Variants in HTR1E observed in about 807,000 individuals in gnomAD.
The protein encoded by HTR1E is 5-HT-1E.
HTR1E carries 3 observed loss-of-function variants against 3.4 expected under a neutral mutation model. The ratio of observed to expected loss-of-function variants is 0.89; its 90% CI spans 0.41 to 2.31. The LOEUF (loss-of-function observed/expected upper bound fraction) is 2.31, where lower values mean the gene tolerates loss of function less well. Ranked by LOEUF, HTR1E falls within the 30% of genes most tolerant of loss-of-function variation. The pLI, the probability that HTR1E is intolerant of heterozygous loss-of-function variation, is 0.05. For synonymous variants in HTR1E, 170 were observed against 182.8 expected, an observed-to-expected ratio of 0.93 and a Z score of 0.56; for missense variants, 392 against 467.0, an observed-to-expected ratio of 0.84 and a Z score of 1.48.
intron 1 of HTR1E, among the ~76,000 whole-genome samples, chr6:87,007,419 C>T (rs116154630): frequency 0.018 from 2,722 of 152,132 alleles, 82 homozygotes; most frequent in African/African-American, 0.06. Context: ...TTTGATATCA[C>T]AACAGGGTGA....
At chr6:86,976,976 C>A (rs1005323221) in intron 1 of HTR1E, among the ~76,000 whole-genome samples, 1 of 152,144 alleles carries the variant, frequency 6.6e-6, no homozygotes, top group Admixed American at 6.5e-5. Flanking sequence ...CTTCTTAGAA[C>A]AATTTTTTTA....
chr6:86,962,674 C>A (rs1420626130), intron 1 of HTR1E, among the ~76,000 whole-genome samples: 2 of 151,978 alleles, frequency 1.3e-5, no homozygotes, highest in Non-Finnish European at 2.9e-5. Flanking sequence ...CCTGTCCCTA[C>A]TAAAAATACA....
intron 1 of HTR1E, among the ~76,000 whole-genome samples, chr6:87,009,940 A>C (rs1407967228): frequency 9.4e-6 from 1 of 106,556 alleles, no homozygotes; most frequent in Non-Finnish European, 1.9e-5. Flanking sequence ...GGGGCTCCTC[A>C]CTTCCCAGTA....
rs1012881168 is a variant in HTR1E at position 87,008,057 on chromosome 6, T to C, written c.-185-7093T>C. 5.3e-5 allele frequency among the ~76,000 whole-genome samples: 8 copies of C among 152,208 alleles called. No individual in the cohort carries two copies. The South Asian group carries it at 1.0e-3, about 20-fold the overall frequency. ...ACAAAAGACTTGTATCCAGAGTATATAAACATCTCCTAAAACTCTATGCAC... is the reference window on the plus strand; with the variant it reads ...ACAAAAGACTTGTATCCAGAGTATACAAACATCTCCTAAAACTCTATGCAC... On this transcript the variant is annotated intron_variant, in intron 1 of 1. Transcript: ENST00000305344.
intron 1 of HTR1E, among the ~76,000 whole-genome samples, chr6:86,984,787 A>C (rs1767760809): frequency 1.3e-5 from 2 of 152,216 alleles, no homozygotes; most frequent in South Asian, 2.1e-4. Context: ...AGCATGGAGA[A>C]ACATCCTGTT....
intron 1 of HTR1E, among the ~76,000 whole-genome samples, chr6:86,942,504 A>C (rs986262073): frequency 6.6e-6 from 1 of 152,232 alleles, no homozygotes; most frequent in Non-Finnish European, 1.5e-5. Flanking sequence ...ATTCAAAGAA[A>C]GAAGCATGAT....
chr6:87,003,658 G>GA (rs1262376577), intron 1 of HTR1E, among the ~76,000 whole-genome samples: 2 of 151,518 alleles, frequency 1.3e-5, no homozygotes, highest in African/African-American at 2.4e-5. Flanking sequence ...GTGCCTACAA[G>GA]AAAAAAGTAG....
chr6:86,949,689 A>G (rs1410089766), intron 1 of HTR1E, among the ~76,000 whole-genome samples: 1 of 152,132 alleles, frequency 6.6e-6, no homozygotes, highest in Non-Finnish European at 1.5e-5. Flanking sequence ...TTGTAACTAA[A>G]AATTATGATT....
intron 1 of HTR1E, among the ~76,000 whole-genome samples, chr6:86,998,340 A>G (rs2127829525): frequency 6.6e-6 from 1 of 152,268 alleles, no homozygotes; most frequent in African/African-American, 2.4e-5. Flanking sequence ...CCATAAAATA[A>G]GTCTCAGCAA....
intron 1 of HTR1E, among the ~76,000 whole-genome samples, chr6:86,988,173 G>C (rs1767819192): frequency 6.6e-6 from 1 of 152,138 alleles, no homozygotes; most frequent in African/African-American, 2.4e-5. Flanking sequence ...CAGAATCTAA[G>C]TTATCAGACC....
At chr6:86,978,711 G>C (rs1047238855) in intron 1 of HTR1E, among the ~76,000 whole-genome samples, 3 of 152,172 alleles carry the variant, frequency 2.0e-5, no homozygotes, top group African/African-American at 4.8e-5. Context: ...AAGCAGACAT[G>C]CATGCCAACT....
At chr6:87,006,540 G>A (rs147165520) in intron 1 of HTR1E, among the ~76,000 whole-genome samples, 1 of 152,158 alleles carries the variant, frequency 6.6e-6, no homozygotes, top group East Asian at 1.9e-4. Flanking sequence ...TCGAGAAGCA[G>A]AAATACCATT....
intron 1 of HTR1E, among the ~76,000 whole-genome samples, chr6:87,010,782 G>A (rs1313673471): frequency 2.6e-5 from 4 of 151,546 alleles, no homozygotes; most frequent in Non-Finnish European, 2.9e-5. Context: ...GGCACTTTGG[G>A]AGGCCAAGGC....
At chr6:86,938,631 G>A (rs571949647) in intron 1 of HTR1E, among the ~76,000 whole-genome samples, 58 of 152,296 alleles carry the variant, frequency 3.8e-4, no homozygotes, top group African/African-American at 1.4e-3. Context: ...CCTTGAGTTA[G>A]AAGGATAAGG....
At chr6:86,956,833 A>G (rs1392052256) in intron 1 of HTR1E, among the ~76,000 whole-genome samples, 1 of 152,156 alleles carries the variant, frequency 6.6e-6, no homozygotes, top group Non-Finnish European at 1.5e-5. Flanking sequence ...TTTATGTTTC[A>G]CTTTCTGTTT....
At chr6:86,977,741 T>C (rs956014659) in intron 1 of HTR1E, among the ~76,000 whole-genome samples, 1 of 152,164 alleles carries the variant, frequency 6.6e-6, no homozygotes, top group Non-Finnish European at 1.5e-5. Flanking sequence ...ATGGCTGAAA[T>C]GGTGTCTCAG....
intron 1 of HTR1E, among the ~76,000 whole-genome samples, chr6:87,012,396 G>A (rs1487623318): frequency 6.6e-6 from 1 of 152,178 alleles, no homozygotes; most frequent in African/African-American, 2.4e-5. Context: ...GAGCCTACAT[G>A]AGGGTAGAGG....
intron 1 of HTR1E, among the ~76,000 whole-genome samples, chr6:86,991,878 G>C (rs1357819890): frequency 6.6e-6 from 1 of 152,134 alleles, no homozygotes; most frequent in African/African-American, 2.4e-5. Context: ...TCAAATTGGA[G>C]ACATTTCTCT....
intron 1 of HTR1E, among the ~76,000 whole-genome samples, chr6:86,948,885 G>A (rs1767172208): frequency 6.6e-6 from 1 of 152,172 alleles, no homozygotes; most frequent in South Asian, 2.1e-4. Flanking sequence ...CCCAACATAA[G>A]GGGAGTGCCT....
Sources: allele counts gnomAD v4.1 joint callset (sites outside exome capture counted in the v4.1 genomes callset), GRCh38; gene constraint gnomAD v4.1.1; transcripts MANE v1.5; gene names NCBI Gene and HGNC (gene_info 2026-07-23, HGNC 2026-07-21).